Variants in LRRC7 observed in about 807,000 individuals in gnomAD.
LRRC7 encodes leucine rich repeat containing 7, also known as leucine-rich repeat-containing protein 7.
LRRC7 carries 23 observed loss-of-function variants against 175.7 expected under a neutral mutation model. The observed-to-expected ratio is 0.13, with a 90% CI of 0.09 to 0.19. LRRC7 has a LOEUF of 0.19. Ranked by LOEUF, LRRC7 falls within the 10% of genes least tolerant of loss-of-function variation. The pLI is 1.00. For synonymous variants in LRRC7, 685 were observed against 680.9 expected, an observed-to-expected ratio of 1.01 and a Z score of -0.09; for missense variants, 1,354 against 1,904.7, an observed-to-expected ratio of 0.71 and a Z score of 5.38.
rs749535600 is a variant in LRRC7 at position 70,129,920 on chromosome 1, G to C, written c.*8033G>C. Among the ~76,000 whole-genome samples the C allele has an allele frequency of 4.6e-5, 7 of 151,984 alleles. No individual in the cohort carries two copies. Among genetic ancestry groups the C allele is most frequent in the Admixed American group, 2.0e-4 (3 of 15,258 alleles). On this transcript the variant is annotated 3_prime_UTR_variant, in exon 27 of 27. Coordinates refer to ENST00000651989, the MANE Select transcript of LRRC7 (RefSeq NM_001370785.2). The stretch of plus-strand genomic sequence containing the variant: ...TAAATCCTTACTTTTCCAAGTATTC[G>C]CTGTGTTTTATATTTCAGCTTTTGC...
chr1:69,761,972 G>A (rs1034006933), intron 3 of LRRC7, among the ~76,000 whole-genome samples: 4 of 151,898 alleles, frequency 2.6e-5, no homozygotes, highest in African/African-American at 9.7e-5. Flanking sequence ...GCCAATCTAG[G>A]ATTGCCAGAA....
chr1:70,006,871 A>G (rs981683197), intron 11 of LRRC7, among the ~76,000 whole-genome samples: 19 of 152,204 alleles, frequency 1.2e-4, no homozygotes, highest in Non-Finnish European at 1.5e-5. Context: ...AAAGAATATT[A>G]CAAGGGATAC....
intron 2 of LRRC7, among the ~76,000 whole-genome samples, chr1:69,696,924 T>C (rs923974377): frequency 6.6e-6 from 1 of 152,246 alleles, no homozygotes; most frequent in Non-Finnish European, 1.5e-5. Context: ...TCTTTATAAA[T>C]TACCCAGCTT....
At chr1:70,003,216 A>G (rs1372143558) in intron 11 of LRRC7, among the ~76,000 whole-genome samples, 1 of 152,120 alleles carries the variant, frequency 6.6e-6, no homozygotes, top group Non-Finnish European at 1.5e-5. Context: ...CATTAATCCC[A>G]TCATGAGGGC....
chr1:69,660,860 C>A (rs775470411), intron 1 of LRRC7, among the ~76,000 whole-genome samples: 2 of 151,904 alleles, frequency 1.3e-5, no homozygotes, highest in African/African-American at 4.8e-5. Flanking sequence ...TTAAAAGGAC[C>A]CTCTGGATGT....
intron 24 of LRRC7, 143 bp downstream of exon 24, chr1:70,076,441 T>G (rs1389436999): frequency 1.4e-6 from 1 of 695,896 alleles, no homozygotes; most frequent in Non-Finnish European, 2.4e-6. Flanking sequence ...TGTGGGGATT[T>G]TATCATTCTT....
In LRRC7 at chr1:70,136,721, C is replaced by CTTTTTTTTTTTTTTTTTTTT. The variant is rs1204650835; in HGVS notation, c.*14839_*14858dup. Reference sequence around the variant, plus strand: ...TTCTGCTTTATTGCTTTTTTAATGCCTTTTTTTTTTTTTTTTTTTTTTTTC... The same window carrying CTTTTTTTTTTTTTTTTTTTT: ...TTCTGCTTTATTGCTTTTTTAATGCCTTTTTTTTTTTTTTTTTTTTTTTTTTTTTTTTTTTTTTTTTTTTC... On this transcript the variant is annotated 3_prime_UTR_variant, in exon 27 of 27. Coordinates refer to ENST00000651989, the MANE Select transcript of LRRC7 (RefSeq NM_001370785.2). Among the ~76,000 whole-genome samples, 2 of 98,340 alleles carry CTTTTTTTTTTTTTTTTTTTT rather than the reference C, an allele frequency of 2.0e-5. No homozygotes were observed. Among genetic ancestry groups the CTTTTTTTTTTTTTTTTTTTT allele is most frequent in the African/African-American group, 8.6e-5 (2 of 23,390 alleles). The allele number at this position is 98,340 out of a possible 152,430, so 64.5% of individuals were successfully genotyped here.
At chr1:69,887,335 C>G (rs1187515257) in intron 7 of LRRC7, among the ~76,000 whole-genome samples, 3 of 129,014 alleles carry the variant, frequency 2.3e-5, no homozygotes, top group African/African-American at 9.7e-5. Context: ...TCTTTTTTCT[C>G]TAAACTTCCC....
rs141379188 is a variant in LRRC7, at chr1:69,580,677, C to T, written c.2+12036C>T. ...ATAAATTTTACTAAGTTCTTGCCTG[C>T]CTGCATTCATTCATTCTAAATATTT... On this transcript the variant is annotated intron_variant, in intron 1 of 26. Coordinates refer to ENST00000651989, the MANE Select transcript of LRRC7 (RefSeq NM_001370785.2). Among the ~76,000 whole-genome samples, 352 of 152,270 alleles carry T rather than the reference C, an allele frequency of 2.3e-3. 1 individual carries two copies. Among genetic ancestry groups the T allele is most frequent in the African/African-American group, 8.3e-3 (344 of 41,568 alleles).
rs1044471657 is a variant in LRRC7 at position 69,762,326 on chromosome 1, A to T, written c.303+1933A>T. Among the ~76,000 whole-genome samples the T allele has an allele frequency of 2.6e-5, 4 of 152,046 alleles. No homozygotes were observed. The East Asian group carries it at 7.7e-4, about 29-fold the overall frequency. ...GAGGTTACAAGAGAAATAAATCTCG[A>T]TCTCTGCCCTTCCGGATCTGACAAC... is the stretch of plus-strand genomic sequence containing the variant. On this transcript the variant is annotated intron_variant, in intron 3 of 26. Transcript: ENST00000651989.
chr1:69,644,640 C>G (rs1654736252), intron 1 of LRRC7, among the ~76,000 whole-genome samples: 1 of 151,958 alleles, frequency 6.6e-6, no homozygotes, highest in Admixed American at 6.6e-5. Flanking sequence ...ATTAAGCACA[C>G]ACGTTCAAAA....
At chr1:69,641,976 T>C (rs1654283033) in intron 1 of LRRC7, among the ~76,000 whole-genome samples, 1 of 151,870 alleles carries the variant, frequency 6.6e-6, no homozygotes, top group Non-Finnish European at 1.5e-5. Context: ...AGCTAGCTGT[T>C]AGAGCTTCAT....
chr1:69,703,756 G>A (rs983330466), intron 2 of LRRC7, among the ~76,000 whole-genome samples: 1 of 151,920 alleles, frequency 6.6e-6, no homozygotes, highest in African/African-American at 2.4e-5. Flanking sequence ...ATATTCATAT[G>A]TATTTGCTTC....
At chr1:69,695,914 T>A (rs1482281041) in intron 2 of LRRC7, among the ~76,000 whole-genome samples, 1 of 152,166 alleles carries the variant, frequency 6.6e-6, no homozygotes, top group Non-Finnish European at 1.5e-5. Context: ...AAATCCTGGG[T>A]GCCCAAGCAG....
rs2102268586 is a variant in LRRC7 at position 70,131,380 on chromosome 1, A to G, written c.*9493A>G. ...CTAACCACAATCCCTTTATTACCTC[A>G]TGGGACCTTAATTTCCTTTCAAGTA... On this transcript the variant is annotated 3_prime_UTR_variant, in exon 27 of 27. Transcript: ENST00000651989. Among the ~76,000 whole-genome samples, 1 of 152,306 alleles carries G rather than the reference A, an allele frequency of 6.6e-6. No homozygotes were observed. The highest frequency in any genetic ancestry group is 1.5e-5 in the Non-Finnish European group (1 of 68,026).
chr1:69,833,742 G>A (rs1443464592), intron 5 of LRRC7, among the ~76,000 whole-genome samples: 1 of 151,986 alleles, frequency 6.6e-6, no homozygotes, highest in Admixed American at 6.6e-5. Context: ...AATAAAATGA[G>A]GCTAATGGGA....
chr1:69,610,906 A>G (rs1321439296), intron 1 of LRRC7, among the ~76,000 whole-genome samples: 1 of 152,052 alleles, frequency 6.6e-6, no homozygotes, highest in African/African-American at 2.4e-5. Context: ...TATTGTAGGA[A>G]AGACCATTGC....
Position 70,121,896 on chromosome 1 carries a change from T to C in LRRC7, c.*9T>C. 3 of 1,558,230 alleles carry C rather than the reference T, an allele frequency of 1.9e-6. No homozygotes were observed. The highest frequency in any genetic ancestry group is 2.2e-5 in the East Asian group (1 of 44,532). The stretch of plus-strand genomic sequence containing the variant: ...GTGAGCTTACTGTCTAAATATTTTT[T>C]ATAAATAGTGAAGATACGTCTAGCC... On this transcript the variant is annotated 3_prime_UTR_variant, in exon 27 of 27. Transcript: ENST00000651989.
At chr1:70,085,655 C>G (rs1183388710) in intron 24 of LRRC7, among the ~76,000 whole-genome samples, 1 of 152,018 alleles carries the variant, frequency 6.6e-6, no homozygotes, top group Non-Finnish European at 1.5e-5. Context: ...TTTACCTACT[C>G]CATCAAAAAT....
Sources: gnomAD v4.1 joint callset for allele counts (sites outside exome capture counted in the v4.1 genomes callset) on GRCh38, gnomAD v4.1.1 for gene constraint, MANE v1.5 for transcripts, NCBI Gene and HGNC (gene_info 2026-07-23, HGNC 2026-07-21) for gene names.